The following MAD2L1BP variants were observed in gnomAD, a reference collection of about 807,000 sequenced individuals.
The protein encoded by MAD2L1BP is MAD2L1-binding protein.
Under a neutral mutation model 28.4 loss-of-function variants are expected in MAD2L1BP, and 22 were observed. The observed-to-expected ratio is 0.77, with a 90% confidence interval of 0.55 to 1.10. The LOEUF is 1.10. MAD2L1BP is among the 50% of genes least tolerant of loss of function. The pLI, the probability that MAD2L1BP is intolerant of heterozygous loss-of-function variation, is 0.00. For synonymous variants in MAD2L1BP, 146 were observed against 133.7 expected (o/e 1.09, Z -0.63); for missense variants, 325 against 350.5 (o/e 0.93, Z 0.58).
upstream of MAD2L1BP, chr6:43,635,773 C>CT (rs1460761711): frequency 1.4e-5 from 18 of 1,273,372 alleles, no homozygotes; most frequent in African/African-American, 1.1e-4. Flanking sequence ...GACGCCGCGC[C>CT]TTTTTTCCGA....
In MAD2L1BP at chr6:43,640,583, A is replaced by G; in HGVS notation, c.*50A>G. ...CACAATGGCTGAATTATCTTTCTCC[A>G]TGTGGCGCTGAATCACCCATCTGGT... On this transcript the variant is annotated 3_prime_UTR_variant, in exon 3 of 3. Transcript: ENST00000372171. 6.6e-7 allele frequency: 1 copy of G among 1,513,268 alleles called. No homozygotes were observed. The allele number at this position is 1,513,268 out of a possible 1,614,324, so 93.7% of individuals were successfully genotyped here.
chr6:43,636,805 AC>A, intron 2 of MAD2L1BP, 159 bp downstream of exon 2: 1 of 799,798 alleles, frequency 1.3e-6, no homozygotes, highest in Non-Finnish European at 2.0e-6. Flanking sequence ...TGGTAGCCTA[AC>A]CCTTCTGGCT....
At chr6:43,631,627 G>C (rs1402886544), upstream of MAD2L1BP, among the ~76,000 whole-genome samples, 1 of 152,128 alleles carries the variant, frequency 6.6e-6, no homozygotes, top group African/African-American at 2.4e-5. Flanking sequence ...TGGAACTACA[G>C]GTGCGAGCCA....
intron 1 of MAD2L1BP, 130 bp from the exon 2 acceptor site, chr6:43,636,251 G>A (rs559043177): frequency 4.8e-6 from 4 of 833,700 alleles, no homozygotes; most frequent in Non-Finnish European, 7.5e-6. Context: ...TGTAGGCTGC[G>A]GAGGATATGG....
At chr6:43,637,237 G>A (rs1770280980) in intron 2 of MAD2L1BP, among the ~76,000 whole-genome samples, 1 of 150,586 alleles carries the variant, frequency 6.6e-6, no homozygotes, top group African/African-American at 2.4e-5. Flanking sequence ...GCTTATTTTT[G>A]TATTTTTGGT....
chr6:43,632,526 T>G (rs1769983271), upstream of MAD2L1BP, among the ~76,000 whole-genome samples: 1 of 152,078 alleles, frequency 6.6e-6, no homozygotes, highest in African/African-American at 2.4e-5. Context: ...CCAAAAATGC[T>G]GGGATTACAG....
At chr6:43,638,904 T>C (rs1770412788) in intron 2 of MAD2L1BP, among the ~76,000 whole-genome samples, 1 of 152,158 alleles carries the variant, frequency 6.6e-6, no homozygotes, top group Non-Finnish European at 1.5e-5. Flanking sequence ...GTGATCTCTT[T>C]GTGGGGATTG....
chr6:43,633,837 A>C (rs1042098296), upstream of MAD2L1BP, among the ~76,000 whole-genome samples: 2 of 152,080 alleles, frequency 1.3e-5, no homozygotes, highest in Non-Finnish European at 2.9e-5. Context: ...AGCCTCCCAA[A>C]GTGCTGGGAG....
chr6:43,638,022 G>A (rs1007375911), intron 2 of MAD2L1BP, among the ~76,000 whole-genome samples: 6 of 151,816 alleles, frequency 4.0e-5, no homozygotes, highest in Non-Finnish European at 7.4e-5. Context: ...CCTCAGCCTC[G>A]AAGTAGCTGG....
Position 43,640,890 on chromosome 6 carries a change from A to T in MAD2L1BP, c.*357A>T. 4.3e-6 allele frequency: 1 copy of T among 230,694 alleles called. No homozygotes were observed. 14.3% of individuals were successfully genotyped at this position (230,694 alleles called of 1,614,324 possible). A position where few individuals can be genotyped will look rare whatever the true frequency, so the allele number is the denominator to read the frequency against. On this transcript the variant is annotated 3_prime_UTR_variant, in exon 3 of 3. Transcript: ENST00000372171. ...TTTCAGAATTTTTACCAGGAACATA[A>T]TGTGGATGTGACTTATGAACTTAAA...
chr6:43,635,860 C>T lies in MAD2L1BP; in HGVS notation c.-16C>T, dbSNP rs1343124382. Reference sequence around the variant, plus strand: ...CCTTTATTCTAACCGCAAGGAGTAGCGGAGGGGAGGTCGTGATGGCGGCGC... The same window carrying T: ...CCTTTATTCTAACCGCAAGGAGTAGTGGAGGGGAGGTCGTGATGGCGGCGC... On this transcript the variant is annotated 5_prime_UTR_variant, in exon 1 of 3. Transcript: ENST00000372171. 2.7e-6 allele frequency: 4 copies of T among 1,476,274 alleles called. No individual in the cohort carries two copies. Among genetic ancestry groups the T allele is most frequent in the African/African-American group, 1.5e-5 (1 of 67,086 alleles). The allele number at this position is 1,476,274 out of a possible 1,614,324, so 91.4% of individuals were successfully genotyped here.
chr6:43,630,739 A>G (rs796832633), intron 1 of MAD2L1BP, among the ~76,000 whole-genome samples: 1 of 146,662 alleles, frequency 6.8e-6, no homozygotes, highest in East Asian at 2.0e-4. Flanking sequence ...CGAGACTCCA[A>G]CTAAAAAAAA....
intron 2 of MAD2L1BP, chr6:43,637,000 C>T: frequency 5.5e-6 from 1 of 182,006 alleles, no homozygotes; most frequent in African/African-American, 2.4e-5. Flanking sequence ...GCCTCAGCCT[C>T]CCGAGTAGCT....
In MAD2L1BP at chr6:43,640,098, A is replaced by T; in HGVS notation, c.390A>T (p.Glu130Asp). 1 of 1,604,026 alleles carries T rather than the reference A, an allele frequency of 6.2e-7. No individual in the cohort carries two copies. Among genetic ancestry groups the T allele is most frequent in the Non-Finnish European group, 8.5e-7 (1 of 1,173,032 alleles). ...GGAAATGCCAACAAGCCCTGGCAGA[A>T]CTGGAGAGTGTCCTCAGCCACCTGG... Reference protein sequence around the residue: ...SSRKCQQALAELESVLSHLED... With the variant: ...SSRKCQQALADLESVLSHLED... The change falls in exon 3 of 3, where the codon GAA (glutamate) becomes GAT (aspartate). Residue 130 changes from glutamate (E) to aspartate (D), a missense_variant. By Grantham distance (45) the Glu-to-Asp change is conservative. Coordinates refer to ENST00000372171, the MANE Select transcript of MAD2L1BP (RefSeq NM_014628.3).
chr6:43,634,282 T>C (rs958604114), upstream of MAD2L1BP, among the ~76,000 whole-genome samples: 14 of 147,366 alleles, frequency 9.5e-5, no homozygotes, highest in African/African-American at 3.1e-4. Flanking sequence ...TGCAGTGGCA[T>C]GATCATAGCT....
intron 1 of MAD2L1BP, among the ~76,000 whole-genome samples, chr6:43,630,045 T>A (rs923798827): frequency 2.0e-5 from 3 of 152,130 alleles, no homozygotes; most frequent in Admixed American, 2.0e-4. Context: ...CGGGAAGAAC[T>A]GAGTTTGGTT....
At chr6:43,633,340 T>C (rs537422837), upstream of MAD2L1BP, 27 of 313,978 alleles carry the variant, frequency 8.6e-5, no homozygotes, top group East Asian at 3.4e-3. Context: ...GCCTGGCTAA[T>C]TTTGTATTTT....
At chr6:43,632,768 C>G (rs1236367363), upstream of MAD2L1BP, among the ~76,000 whole-genome samples, 1 of 151,044 alleles carries the variant, frequency 6.6e-6, no homozygotes, top group Non-Finnish European at 1.5e-5. Flanking sequence ...CTCCTGTAAT[C>G]CCAGCACTTT....
upstream of MAD2L1BP, among the ~76,000 whole-genome samples, chr6:43,635,550 G>A (rs1770150951): frequency 6.6e-6 from 1 of 152,262 alleles, no homozygotes; most frequent in South Asian, 2.1e-4. Context: ...CAGCACCTAG[G>A]ACAGGGCCTG....
Sources: gnomAD v4.1 joint callset for allele counts (sites outside exome capture counted in the v4.1 genomes callset) on GRCh38, gnomAD v4.1.1 for gene constraint, MANE v1.5 for transcripts, NCBI Gene and HGNC (gene_info 2026-07-23, HGNC 2026-07-21) for gene names.